ANK1: variants seen among roughly 807,000 people sequenced by gnomAD.
ANK1 encodes the protein ankyrin-1.
A neutral mutation model predicts 210.4 loss-of-function variants in ANK1; 51 were observed. The ratio of observed to expected loss-of-function variants is 0.24; its 90% CI spans 0.19 to 0.31. The LOEUF (loss-of-function observed/expected upper bound fraction) is 0.31. ANK1 is among the 10% of genes least tolerant of loss of function. The pLI is 1.00. For missense variants in ANK1, 2,051 were observed against 2,504.4 expected, an observed-to-expected ratio of 0.82 and a Z score of 3.86; for synonymous variants, 967 against 1,025.9, an observed-to-expected ratio of 0.94 and a Z score of 1.10.
chr8:41,716,941 TTCACTAC>T lies in ANK1; in HGVS notation c.1404+5_1404+11del, dbSNP rs1473462978. The T allele has an allele frequency of 1.2e-6, 2 of 1,613,420 alleles. No homozygotes were observed. The highest frequency in any genetic ancestry group is 1.1e-5 in the South Asian group (1 of 91,046). On this transcript the variant is annotated splice_donor_5th_base_variant and intron_variant, in intron 13 of 42. Transcript: ENST00000289734. ...CATCTGAAACCCTTCCCTTCCTGCC[TTCACTAC>T]TCACCTTGGCCTTGGCATTGACTTT...
At chr8:41,699,324 C>G (rs57017888) in intron 23 of ANK1, 128 bp downstream of exon 23, 2 of 881,684 alleles carry the variant, frequency 2.3e-6, no homozygotes, top group Non-Finnish European at 3.8e-6. Context: ...AGGTGCAAAC[C>G]GTCTCTCTCT....
intron 3 of ANK1, among the ~76,000 whole-genome samples, chr8:41,733,018 G>A (rs1326996296): frequency 4.6e-5 from 7 of 152,194 alleles, no homozygotes; most frequent in Non-Finnish European, 7.3e-5. Flanking sequence ...GATTACAGGC[G>A]TGAGCCACCG....
chr8:41,714,204 G>C lies in ANK1; in HGVS notation c.1752C>G (p.Ile584Met), dbSNP rs565147024. ...HVAVHHNNLD[I>M]VKLLLPRGGS... Reference sequence around the variant, plus strand: ...CGCCCCGGGGAAGCAGCAGCTTGACGATGTCCAGGTTGTTGTGATGGACGG... The same window carrying C: ...CGCCCCGGGGAAGCAGCAGCTTGACCATGTCCAGGTTGTTGTGATGGACGG... Residue 584 changes from isoleucine (I) to methionine (M), a missense_variant, in exon 16 of 43, where the codon ATC becomes ATG. Physicochemically the swap from Ile to Met is conservative, Grantham distance 10. Transcript: ENST00000289734. 3.3e-6 allele frequency: 5 copies of C among 1,502,872 alleles called. No individual in the cohort carries two copies. The highest frequency in any genetic ancestry group is 4.5e-6 in the Non-Finnish European group (5 of 1,112,620). 93.1% of individuals were successfully genotyped at this position (1,502,872 alleles called of 1,614,324 possible). A position where few individuals can be genotyped will look rare whatever the true frequency, so the allele number is the denominator to read the frequency against.
At chr8:41,739,013 T>C (rs1382827923) in intron 2 of ANK1, among the ~76,000 whole-genome samples, 1 of 152,256 alleles carries the variant, frequency 6.6e-6, no homozygotes, top group African/African-American at 2.4e-5. Context: ...TTTTTAACCA[T>C]ATGGCTTTCC....
chr8:41,855,637 G>A (rs1414213546), intron 1 of ANK1, among the ~76,000 whole-genome samples: 16 of 152,218 alleles, frequency 1.1e-4, no homozygotes, highest in Admixed American at 1.0e-3. Context: ...GCCTACCCCA[G>A]ATAGCCGGCT....
At chr8:41,835,606 G>C (rs1390780293) in intron 1 of ANK1, among the ~76,000 whole-genome samples, 2 of 152,364 alleles carry the variant, frequency 1.3e-5, no homozygotes, top group African/African-American at 2.4e-5. Flanking sequence ...GCGGGGAGCA[G>C]GGGATGCTGC....
At position 41,684,606 on chromosome 8, in the gene ANK1, T is replaced by C; in HGVS notation, c.4475A>G (p.Asn1492Ser). 3 of 1,613,898 alleles carry C rather than the reference T, an allele frequency of 1.9e-6. No homozygotes were observed. Among genetic ancestry groups the C allele is most frequent in the Non-Finnish European group, 2.5e-6 (3 of 1,180,022 alleles). The part of the protein sequence containing the change: ...MLEGSGRQSR[N>S]LKPDRRHTDR... ...GGTGTGCCGCCTGTCTGGCTTCAAG[T>C]TGCGGCTCTGTCGGCCGGAACCCTC... The change falls in exon 37 of 43, where the codon AAC (asparagine) becomes AGC (serine). Residue 1492 changes from asparagine (N) to serine (S), a missense_variant. Physicochemically the swap from Asn to Ser is conservative, Grantham distance 46. Coordinates refer to ENST00000289734, the MANE Select transcript of ANK1 (RefSeq NM_000037.4).
At chr8:41,678,173 CTG>C (rs1283103328) in intron 37 of ANK1, among the ~76,000 whole-genome samples, 13 of 151,620 alleles carry the variant, frequency 8.6e-5, no homozygotes, top group African/African-American at 3.2e-4. Flanking sequence ...GTTGAGAACT[CTG>C]TCACCCAGAC....
At chr8:41,839,495 T>C (rs1245451879) in intron 1 of ANK1, among the ~76,000 whole-genome samples, 2 of 152,250 alleles carry the variant, frequency 1.3e-5, no homozygotes, top group Non-Finnish European at 2.9e-5. Context: ...AAACAGTGTT[T>C]AGCAGGAAAC....
intron 4 of ANK1, among the ~76,000 whole-genome samples, chr8:41,727,626 C>T (rs1831051803): frequency 6.6e-6 from 1 of 152,224 alleles, no homozygotes. Context: ...CTCATTCCCC[C>T]AGTCCTCAGT....
Position 41,684,573 on chromosome 8 carries a change from T to A in ANK1, c.4508A>T (p.Asp1503Val), listed in dbSNP as rs1209085024. Residue 1503 changes from aspartate to valine, a missense_variant, in exon 37 of 43, where the codon GAC becomes GTC. Physicochemically the swap from Asp to Val is radical, Grantham distance 152. Around this residue, in one of 6 missense-constraint regions of ANK1, gnomAD observed 496 missense variants for 533.4 expected, o/e 0.93. Coordinates refer to ENST00000289734, the MANE Select transcript of ANK1 (RefSeq NM_000037.4). The stretch of plus-strand genomic sequence containing the variant: ...CATCTGGGAGGGTGACAGCGAGTAG[T>A]CGCGGTCGGTGTGCCGCCTGTCTGG... ...LKPDRRHTDRDYSLSPSQMNG... is the reference protein window; with the variant it reads ...LKPDRRHTDRVYSLSPSQMNG... 2 of 1,613,826 alleles carry A rather than the reference T, an allele frequency of 1.2e-6. No individual in the cohort carries two copies. Among genetic ancestry groups the A allele is most frequent in the Admixed American group, 1.7e-5 (1 of 60,028 alleles).
intron 1 of ANK1, among the ~76,000 whole-genome samples, chr8:41,885,008 G>T (rs1861925): frequency 0.64 from 96,275 of 150,922 alleles, 32,966 homozygotes; most frequent in African/African-American, 0.9. Context: ...CTCAAGGCAG[G>T]GGAAAGCAAC....
At chr8:41,775,255 G>A (rs11785162) in intron 1 of ANK1, among the ~76,000 whole-genome samples, 3,163 of 152,304 alleles carry the variant, frequency 0.021, 29 homozygotes, top group Non-Finnish European at 0.029. Context: ...AGGCGGGGCC[G>A]ACCAGGGGGT....
intron 1 of ANK1, among the ~76,000 whole-genome samples, chr8:41,815,320 T>A (rs1803141889): frequency 1.3e-5 from 2 of 152,058 alleles, no homozygotes; most frequent in African/African-American, 2.4e-5. Context: ...GGAAAAAAAA[T>A]TTCACTATCT....
intron 1 of ANK1, among the ~76,000 whole-genome samples, chr8:41,884,591 T>C (rs1044729455): frequency 6.6e-6 from 1 of 151,402 alleles, no homozygotes; most frequent in Admixed American, 6.6e-5. Context: ...TCCCAGAGCT[T>C]TCAGAGTCCG....
intron 3 of ANK1, among the ~76,000 whole-genome samples, chr8:41,730,448 T>C (rs1350447213): frequency 1.5e-5 from 2 of 135,644 alleles, no homozygotes; most frequent in African/African-American, 5.8e-5. Flanking sequence ...CTGTCTTTTC[T>C]TTCTTTTTTT....
intron 1 of ANK1, among the ~76,000 whole-genome samples, chr8:41,781,565 G>T (rs564348689): frequency 2.6e-5 from 4 of 152,322 alleles, no homozygotes; most frequent in African/African-American, 9.6e-5. Flanking sequence ...TTCTGCAGAG[G>T]AATAAGCATG....
rs1820559612 is a variant in ANK1 at position 41,695,324 on chromosome 8, T to C, written c.2968A>G (p.Ile990Val). 6 of 1,613,558 alleles carry C rather than the reference T, an allele frequency of 3.7e-6. No homozygotes were observed. Among genetic ancestry groups the C allele is most frequent in the African/African-American group, 1.3e-5 (1 of 74,818 alleles). The change falls in exon 27 of 43, where the codon ATC becomes GTC. Residue 990 changes from isoleucine to valine, a missense_variant. By Grantham distance (29) the Ile-to-Val change is conservative (BLOSUM62 3). This residue lies in a region of ANK1 where 1,413 missense variants were observed against 1,707.4 expected (regional missense o/e 0.83). Transcript: ENST00000289734. ...PTGAQFLSPV[I>V]VEIPHFASHG... ...GAGGCAAAGTGCGGGATCTCCACGA[T>C]TACAGGGCTGAGGCAAGGACACAGT...
In ANK1 at chr8:41,822,064, AAGAGAGAGAGAGAGAG is replaced by A. The variant is rs10605195; in HGVS notation, c.127-63943_127-63928del. Among the ~76,000 whole-genome samples the A allele has an allele frequency of 2.6e-3, 94 of 36,226 alleles. 2 individuals are homozygous for A. Among genetic ancestry groups the A allele is most frequent in the African/African-American group, 6.7e-3 (46 of 6,858 alleles). 23.8% of individuals were successfully genotyped at this position (36,226 alleles called of 152,430 possible). On this transcript the variant is annotated intron_variant, in intron 1 of 42. Coordinates refer to the ANK1 transcript ENST00000265709. ...GACTCCATCTCAAAAGAAAGAAAGA[AAGAGAGAGAGAGAGAG>A]AGAGAGAGAGAGAGAGAGAGAGAGA...
Sources: gnomAD v4.1 joint callset for allele counts (sites outside exome capture counted in the v4.1 genomes callset) on GRCh38, gnomAD v4.1.1 for gene constraint, gnomAD v4.1.1 regional missense constraint, MANE v1.5 for transcripts, NCBI Gene and HGNC (gene_info 2026-07-23, HGNC 2026-07-21) for gene names.